TF: variants seen among roughly 807,000 people sequenced by gnomAD.
TF encodes serotransferrin.
Under a neutral mutation model 82.4 loss-of-function variants are expected in TF, and 55 were observed. The ratio of observed to expected loss-of-function variants is 0.67; its 90% CI spans 0.54 to 0.84. The LOEUF (loss-of-function observed/expected upper bound fraction) is 0.84. Ranked by LOEUF, TF falls within the 40% of genes least tolerant of loss-of-function variation. The probability of loss-of-function intolerance (pLI) is 0.00; values close to 1 mark genes in which losing one functional copy is unlikely to be tolerated. For missense variants in TF, 737 were observed against 868.4 expected (o/e 0.85, Z 1.90); for synonymous variants, 332 against 332.6 (o/e 1.00, Z 0.02).
At chr3:133,691,481 A>G in the TF span, among the ~76,000 whole-genome samples, 1 of 152,244 alleles carries the variant, frequency 6.6e-6, no homozygotes, top group East Asian at 1.9e-4. Context: ...AGAGTTTGTC[A>G]CGTGGTTGAT....
chr3:133,714,746 G>A, the TF span, among the ~76,000 whole-genome samples: 52 of 152,074 alleles, frequency 3.4e-4, 1 homozygote, highest in South Asian at 8.5e-3. Flanking sequence ...GTGGTGGTGC[G>A]ATCTCGGCTC....
chr3:133,693,270 A>G, the TF span, among the ~76,000 whole-genome samples: 1 of 152,098 alleles, frequency 6.6e-6, no homozygotes, highest in Non-Finnish European at 1.5e-5. Context: ...TAGACACACT[A>G]TTGGCACCCA....
chr3:133,760,978 C>T (rs1933977852), intron 9 of TF: 1 of 153,840 alleles, frequency 6.5e-6, no homozygotes, highest in South Asian at 2.0e-4. Flanking sequence ...TGGTCCCACA[C>T]CTGTGACACA....
At chr3:133,758,439 T>A (rs778116435) in intron 8 of TF, among the ~76,000 whole-genome samples, 1 of 152,250 alleles carries the variant, frequency 6.6e-6, no homozygotes, top group African/African-American at 2.4e-5. Context: ...TGCTAGGTGC[T>A]GGACATAGGA....
the TF span, among the ~76,000 whole-genome samples, chr3:133,722,073 G>C: frequency 6.6e-6 from 1 of 151,860 alleles, no homozygotes; most frequent in African/African-American, 2.4e-5. Flanking sequence ...GTGGAGACTG[G>C]GTTTCACCAT....
the TF span, among the ~76,000 whole-genome samples, chr3:133,680,082 T>C: frequency 2.0e-5 from 3 of 152,352 alleles, no homozygotes; most frequent in African/African-American, 7.2e-5. Flanking sequence ...TTCATGTTCT[T>C]ATTGGCCATT....
chr3:133,739,991 C>T, the TF span, among the ~76,000 whole-genome samples: 370 of 152,170 alleles, frequency 2.4e-3, no homozygotes, highest in Non-Finnish European at 4.4e-3. Flanking sequence ...GGGTATATAC[C>T]CAAAGGATTA....
At chr3:133,699,252 G>C in the TF span, among the ~76,000 whole-genome samples, 2 of 152,258 alleles carry the variant, frequency 1.3e-5, no homozygotes, top group African/African-American at 4.8e-5. Flanking sequence ...GTGTCTACCT[G>C]CAGTGAGATT....
chr3:133,714,255 C>T, the TF span, among the ~76,000 whole-genome samples: 7 of 152,084 alleles, frequency 4.6e-5, no homozygotes, highest in East Asian at 3.9e-4. Context: ...TGGCTAAAGA[C>T]GTAGATTTAA....
rs1934512373 is a variant in TF, at chr3:133,781,302, G to A, written c.*2682G>A. The A allele has an allele frequency of 6.6e-6, 1 of 151,618 alleles. No homozygotes were observed. Among genetic ancestry groups the A allele is most frequent in the African/African-American group, 2.4e-5 (1 of 41,258 alleles). The allele number at this position is 151,618 out of a possible 1,614,324, so 9.4% of individuals were successfully genotyped here. A position where few individuals can be genotyped will look rare whatever the true frequency, so the allele number is the denominator to read the frequency against. ...TTGCACTCCAGTCTAGACAACAAGA[G>A]CAAAACTCTGTCTCAAAATAATAAA... On this transcript the variant is annotated 3_prime_UTR_variant, in exon 17 of 17. Coordinates refer to ENST00000402696, the MANE Select transcript of TF (RefSeq NM_001063.4).
At chr3:133,748,980 C>T (rs945984741) in intron 2 of TF, among the ~76,000 whole-genome samples, 25 of 151,930 alleles carry the variant, frequency 1.6e-4, no homozygotes, top group African/African-American at 4.1e-4. Flanking sequence ...GCCAACATGG[C>T]GAAACCCCAT....
chr3:133,763,048 C>T (rs898000525), intron 9 of TF, among the ~76,000 whole-genome samples: 3 of 152,184 alleles, frequency 2.0e-5, no homozygotes, highest in African/African-American at 7.2e-5. Context: ...TCCCCTCCTA[C>T]AACTACCTTT....
rs1274605389 is a variant in TF at position 133,793,228 on chromosome 3, T to C, written c.*14608T>C. 1.3e-5 allele frequency: 2 copies of C among 152,170 alleles called. No individual in the cohort carries two copies. The highest frequency in any genetic ancestry group is 2.9e-5 in the Non-Finnish European group (2 of 67,996). The allele number at this position is 152,170 out of a possible 1,614,324, so 9.4% of individuals were successfully genotyped here. On this transcript the variant is annotated 3_prime_UTR_variant, in exon 17 of 17. Coordinates refer to ENST00000402696, the MANE Select transcript of TF (RefSeq NM_001063.4). The stretch of plus-strand genomic sequence containing the variant: ...GTTTGTAAAGTAAGTCTTCCATCTA[T>C]CAACATGGAAAGGTTTTTGCCTTTT...
chr3:133,712,783 G>A, the TF span: 4,162 of 152,974 alleles, frequency 0.027, 189 homozygotes, highest in African/African-American at 0.093. Context: ...GAGATACTAC[G>A]GCTCCAGTGG....
chr3:133,667,798 C>G, the TF span, among the ~76,000 whole-genome samples: 1 of 152,330 alleles, frequency 6.6e-6, no homozygotes, highest in African/African-American at 2.4e-5. Context: ...TCTCACTCAC[C>G]TTTCTATCTC....
the TF span, among the ~76,000 whole-genome samples, chr3:133,728,833 G>A: frequency 4.6e-5 from 7 of 152,120 alleles, no homozygotes; most frequent in Non-Finnish European, 1.0e-4. Flanking sequence ...TGGGTTTTTG[G>A]TGTGGATGGC....
intron 1 of TF, 121 bp from the exon 2 acceptor site, chr3:133,748,291 G>A: frequency 2.5e-6 from 3 of 1,218,072 alleles, no homozygotes; most frequent in South Asian, 2.6e-5. Context: ...AGTGTTCATG[G>A]ACAGGAGTGA....
rs1934244193 is a variant in TF at position 133,770,935 on chromosome 3, A to G, written c.1687+363A>G. 9.3e-6 allele frequency: 3 copies of G among 321,594 alleles called. No homozygotes were observed. The East Asian group carries it at 2.1e-4, about 23-fold the overall frequency. The allele number at this position is 321,594 out of a possible 1,614,324, so 19.9% of individuals were successfully genotyped here. On this transcript the variant is annotated intron_variant, in intron 14 of 16. Coordinates refer to ENST00000402696, the MANE Select transcript of TF (RefSeq NM_001063.4). ...ACATTATGTGGATTTAATACTCGTCACGTCCACAGTCCACATTTAACTGTT... is the reference window on the plus strand; with the variant it reads ...ACATTATGTGGATTTAATACTCGTCGCGTCCACAGTCCACATTTAACTGTT...
the TF span, among the ~76,000 whole-genome samples, chr3:133,708,894 A>G: frequency 6.6e-6 from 1 of 152,128 alleles, no homozygotes; most frequent in South Asian, 2.1e-4. Flanking sequence ...ATGAAGCACT[A>G]TTTTAAGCAG....
Sources: allele counts gnomAD v4.1 joint callset (sites outside exome capture counted in the v4.1 genomes callset), GRCh38; gene constraint gnomAD v4.1.1; transcripts MANE v1.5; gene names NCBI Gene and HGNC (gene_info 2026-07-23, HGNC 2026-07-21).